Variants in SEC24D observed in about 807,000 individuals in gnomAD.
SEC24D encodes the protein protein transport protein Sec24D.
In SEC24D, 69 loss-of-function variants were observed where a neutral mutation model predicts 116.9. The ratio of observed to expected loss-of-function variants is 0.59; its 90% CI spans 0.49 to 0.72. The LOEUF is 0.72. SEC24D is among the 30% of genes least tolerant of loss of function. The pLI, the probability that SEC24D is intolerant of heterozygous loss-of-function variation, is 0.00. For synonymous variants in SEC24D, 405 were observed against 442.8 expected, an observed-to-expected ratio of 0.91 and a Z score of 1.07; for missense variants, 1,131 against 1,264.1, an observed-to-expected ratio of 0.89 and a Z score of 1.60.
At chr4:118,808,251 G>A (rs184807171) in intron 6 of SEC24D, among the ~76,000 whole-genome samples, 109 of 152,248 alleles carry the variant, frequency 7.2e-4, no homozygotes, top group Non-Finnish European at 1.2e-3. Flanking sequence ...ATGAACCACT[G>A]CACCTGGCTT....
chr4:118,725,822 CAG>C (rs1450729037), intron 22 of SEC24D, among the ~76,000 whole-genome samples: 1 of 152,106 alleles, frequency 6.6e-6, no homozygotes, highest in Non-Finnish European at 1.5e-5. Flanking sequence ...TGGAAGGTCT[CAG>C]GGGAGTGGAG....
chr4:118,727,132 A>G (rs1725457945), intron 22 of SEC24D, among the ~76,000 whole-genome samples: 1 of 152,200 alleles, frequency 6.6e-6, no homozygotes, highest in Non-Finnish European at 1.5e-5. Context: ...ATGTGCAGCT[A>G]CAGGAAGCCA....
intron 4 of SEC24D, chr4:118,816,916 C>G: frequency 5.0e-6 from 2 of 396,640 alleles, no homozygotes; most frequent in Non-Finnish European, 9.8e-6. Flanking sequence ...GGGGCCCCAT[C>G]ATAAACAATA....
intron 7 of SEC24D, among the ~76,000 whole-genome samples, chr4:118,800,248 T>C (rs1415088584): frequency 6.6e-6 from 1 of 152,084 alleles, no homozygotes. Context: ...AAATAGTCAC[T>C]AAGGAGAGTG....
chr4:118,781,644 G>A (rs1728418422), intron 8 of SEC24D, among the ~76,000 whole-genome samples: 2 of 152,186 alleles, frequency 1.3e-5, no homozygotes, highest in Non-Finnish European at 1.5e-5. Context: ...TGTCTTGCTA[G>A]GTTGGGGAAG....
intron 22 of SEC24D, among the ~76,000 whole-genome samples, chr4:118,725,257 C>T (rs1725348840): frequency 6.6e-6 from 1 of 152,192 alleles, no homozygotes; most frequent in Non-Finnish European, 1.5e-5. Context: ...ACTGGAATAG[C>T]TGTGTGCATA....
At chr4:118,820,414 C>T (rs1730351829) in intron 3 of SEC24D, among the ~76,000 whole-genome samples, 2 of 152,078 alleles carry the variant, frequency 1.3e-5, no homozygotes, top group East Asian at 1.9e-4. Flanking sequence ...CTCGTGACCT[C>T]GTGATCCGCC....
At position 118,768,390 on chromosome 4, in the gene SEC24D, G is replaced by A; in HGVS notation, c.1042-79C>T. 3.9e-6 allele frequency: 4 copies of A among 1,030,852 alleles called. No individual in the cohort carries two copies. In the South Asian group the frequency reaches 5.2e-5, roughly 13 times the overall value. 63.9% of individuals were successfully genotyped at this position (1,030,852 alleles called of 1,614,324 possible). Reference sequence around the variant, plus strand: ...ACTATAATTTGGGAAGTCTTTTAATGGCACTTTTTTTTTTTTTTTTTTGAG... The same window carrying A: ...ACTATAATTTGGGAAGTCTTTTAATAGCACTTTTTTTTTTTTTTTTTTGAG... On this transcript the variant is annotated intron_variant, in intron 8 of 22. Transcript: ENST00000280551.
intron 6 of SEC24D, among the ~76,000 whole-genome samples, chr4:118,814,454 T>G (rs114037572): frequency 0.041 from 6,180 of 152,310 alleles, 195 homozygotes; most frequent in Non-Finnish European, 0.064. Flanking sequence ...AAATACATCT[T>G]TGCAGTTGTA....
intron 3 of SEC24D, among the ~76,000 whole-genome samples, chr4:118,821,509 T>C (rs1730402302): frequency 6.6e-6 from 1 of 152,186 alleles, no homozygotes; most frequent in African/African-American, 2.4e-5. Flanking sequence ...TAACTAGGTA[T>C]GATTTTTAAA....
chr4:118,741,312 G>A (rs1220216898), intron 15 of SEC24D, among the ~76,000 whole-genome samples: 3 of 152,130 alleles, frequency 2.0e-5, no homozygotes, highest in Non-Finnish European at 4.4e-5. Flanking sequence ...AATTAAGAGA[G>A]CATAAGTGAT....
intron 22 of SEC24D, among the ~76,000 whole-genome samples, chr4:118,725,197 T>G (rs184611168): frequency 1.5e-4 from 23 of 152,304 alleles, no homozygotes; most frequent in African/African-American, 4.3e-4. Flanking sequence ...GATACAGATA[T>G]GTGTGATGCC....
chr4:118,786,181 T>C lies in SEC24D; in HGVS notation c.1041+11502A>G, dbSNP rs577230890. 3.3e-5 allele frequency among the ~76,000 whole-genome samples: 5 copies of C among 152,304 alleles called. No homozygotes were observed. The South Asian group carries it at 1.0e-3, about 32-fold the overall frequency. On this transcript the variant is annotated intron_variant, in intron 8 of 22. Coordinates refer to ENST00000280551, the MANE Select transcript of SEC24D (RefSeq NM_014822.4). ...TTAGTCACCACATTCATGACAATGC[T>C]ATATTCCTGACAAAAAAAATCACTT...
chr4:118,756,408 C>A (rs961997013), intron 11 of SEC24D, among the ~76,000 whole-genome samples: 1 of 152,042 alleles, frequency 6.6e-6, no homozygotes, highest in Non-Finnish European at 1.5e-5. Context: ...TTTAAACATC[C>A]CCACTGCTTT....
intron 2 of SEC24D, among the ~76,000 whole-genome samples, chr4:118,827,312 C>G (rs1156438624): frequency 1.3e-5 from 2 of 152,198 alleles, no homozygotes; most frequent in African/African-American, 2.4e-5. Flanking sequence ...AGTCTTCCCC[C>G]AGCCATGTTA....
chr4:118,823,875 G>A (rs1040156981), intron 3 of SEC24D, among the ~76,000 whole-genome samples: 3 of 152,058 alleles, frequency 2.0e-5, no homozygotes, highest in East Asian at 3.9e-4. Context: ...TCCACATCAA[G>A]CTCACAGACC....
chr4:118,797,449 T>C (rs2110505563), intron 8 of SEC24D, among the ~76,000 whole-genome samples: 1 of 152,370 alleles, frequency 6.6e-6, no homozygotes, highest in Non-Finnish European at 1.5e-5. Context: ...TGTGCATTAC[T>C]ACAATACGCC....
At position 118,797,707 on chromosome 4, in the gene SEC24D, G is replaced by C; in HGVS notation, c.1017C>G (p.Pro339=). Residue 339 remains proline, a synonymous_variant, in exon 8 of 23, where the codon CCC becomes CCG. Coordinates refer to ENST00000280551, the MANE Select transcript of SEC24D (RefSeq NM_014822.4). ...CCTCATTTGAAGGAATGGTGGCAAAGGGCTTGATGACAGCAGCTAATGGAA... is the reference window on the plus strand; with the variant it reads ...CCTCATTTGAAGGAATGGTGGCAAACGGCTTGATGACAGCAGCTAATGGAA... ...AQIPLAAVIK[P]FATIPSNESP... 6.2e-7 allele frequency: 1 copy of C among 1,606,828 alleles called. No individual in the cohort carries two copies. Among genetic ancestry groups the C allele is most frequent in the Non-Finnish European group, 8.5e-7 (1 of 1,175,190 alleles).
intron 10 of SEC24D, among the ~76,000 whole-genome samples, chr4:118,762,193 C>T (rs1176251148): frequency 6.6e-6 from 1 of 151,464 alleles, no homozygotes; most frequent in Non-Finnish European, 1.5e-5. Flanking sequence ...ATGATAAACT[C>T]TCAGTTATAT....
Sources: allele counts gnomAD v4.1 joint callset (sites outside exome capture counted in the v4.1 genomes callset), GRCh38; gene constraint gnomAD v4.1.1; transcripts MANE v1.5; gene names NCBI Gene and HGNC (gene_info 2026-07-23, HGNC 2026-07-21).